Variants in GAS5 observed in about 807,000 individuals in gnomAD.
The protein encoded by GAS5 is growth arrest specific 5 (non-protein coding).
chr1:173,867,189 T>A (rs1654864073), upstream of GAS5: 3 of 562,472 alleles, frequency 5.3e-6, no homozygotes, highest in Non-Finnish European at 6.3e-6. Context: ...AGGATACACT[T>A]AATGTTACAA....
At chr1:173,867,336 A>G (rs937504507), upstream of GAS5, 15 of 406,668 alleles carry the variant, frequency 3.7e-5, no homozygotes, top group Non-Finnish European at 4.9e-5. Context: ...TCTCGCCAAC[A>G]TGGTGAAACC....
At chr1:173,864,371 C>A (rs749455965) in intron 6 of GAS5, 9 of 518,808 alleles carry the variant, frequency 1.7e-5, no homozygotes, top group African/African-American at 9.6e-5. Context: ...AGTAGAGTAA[C>A]CTCAGAATCA....
chr1:173,867,800 G>T (rs1655039291), upstream of GAS5: 12 of 518,496 alleles, frequency 2.3e-5, no homozygotes, highest in Non-Finnish European at 4.2e-5. Flanking sequence ...CGCAGCTTAG[G>T]TCACGCATGC....
intron 6 of GAS5, chr1:173,864,815 G>C: frequency 1.9e-6 from 1 of 518,972 alleles, no homozygotes; most frequent in South Asian, 1.4e-5. Context: ...GCATAAACTA[G>C]AATGTTACCG....
intron 5 of GAS5, chr1:173,865,832 A>G (rs1654510508): frequency 3.9e-6 from 2 of 512,174 alleles, no homozygotes; most frequent in African/African-American, 1.9e-5. Flanking sequence ...CATTAAGTCT[A>G]TCTACTGTTT....
intron 6 of GAS5, chr1:173,864,992 G>T: frequency 2.1e-6 from 1 of 486,180 alleles, no homozygotes; most frequent in Non-Finnish European, 4.1e-6. Flanking sequence ...GTCAGTGCGG[G>T]CAGTATCACT....
chr1:173,866,948 T>A (rs776568017), intron 1 of GAS5: 2 of 765,424 alleles, frequency 2.6e-6, no homozygotes, highest in South Asian at 2.7e-5. Context: ...TGAGACCACC[T>A]CTTAGATTTC....
chr1:173,866,501 G>A, intron 3 of GAS5: 1 of 673,482 alleles, frequency 1.5e-6, no homozygotes, highest in Non-Finnish European at 2.7e-6. Context: ...CCTTAAAAGT[G>A]AGAAGTACAA....
chr1:173,864,267 G>A (rs1557868475), exon 7 of GAS5: 1 of 513,336 alleles, frequency 1.9e-6, no homozygotes, highest in Non-Finnish European at 3.9e-6. Context: ...CTTTCAAGCA[G>A]TAAGCTGCAT....
At chr1:173,868,280 GA>G (rs1312139305), upstream of GAS5, 1 of 153,244 alleles carries the variant, frequency 6.5e-6, no homozygotes, top group African/African-American at 2.4e-5. Context: ...GGGGATGGGG[GA>G]AGGGGGGGCG....
At chr1:173,864,623 G>C (rs1209813524) in intron 6 of GAS5, 2 of 380,242 alleles carry the variant, frequency 5.3e-6, no homozygotes, top group South Asian at 1.9e-5. Context: ...AGGTGTATAT[G>C]CCACCAAAAC....
At chr1:173,864,158 T>C (rs759746524) in intron 7 of GAS5, 3 of 517,826 alleles carry the variant, frequency 5.8e-6, no homozygotes, top group South Asian at 4.2e-5. Flanking sequence ...GAATATCAGA[T>C]ATTTTATTGT....
chr1:173,863,904 A>C (rs1654159628), intron 7 of GAS5: 1 of 261,800 alleles, frequency 3.8e-6, no homozygotes, highest in Non-Finnish European at 7.7e-6. Flanking sequence ...CTCCAGATGG[A>C]TTGCAAAAAT....
exon 6 of GAS5, chr1:173,865,482 A>G (rs1209657493): frequency 9.8e-6 from 5 of 507,704 alleles, no homozygotes; most frequent in East Asian, 5.5e-5. Flanking sequence ...TTTAAAAGGT[A>G]TGACAGGAAC....
chr1:173,865,210 A>G (rs1342682273), intron 6 of GAS5: 1 of 334,098 alleles, frequency 3.0e-6, no homozygotes, highest in Non-Finnish European at 5.8e-6. Context: ...AAAAAAAAAA[A>G]TACTTGGAAC....
At chr1:173,865,714 A>G (rs1287146454) in intron 5 of GAS5, 2 of 519,130 alleles carry the variant, frequency 3.9e-6, no homozygotes, top group Admixed American at 3.9e-5. Context: ...TGCTCAAGGA[A>G]AACACATAAA....
chr1:173,867,138 T>C, upstream of GAS5: 1 of 604,228 alleles, frequency 1.7e-6, no homozygotes, highest in African/African-American at 1.9e-5. Context: ...TTTAAACCAA[T>C]GATGCAGGTA....
intron 6 of GAS5, chr1:173,865,319 A>C (rs772902433): frequency 2.1e-6 from 1 of 479,382 alleles, no homozygotes; most frequent in Non-Finnish European, 4.2e-6. Context: ...ATAGGTAGTA[A>C]TAGGTGGATT....
At chr1:173,867,802 C>G (rs1381626478), upstream of GAS5, 1 of 518,220 alleles carries the variant, frequency 1.9e-6, no homozygotes, top group Non-Finnish European at 3.9e-6. Context: ...CAGCTTAGGT[C>G]ACGCATGCAC....
Sources: gnomAD v4.1 joint callset for allele counts on GRCh38, gnomAD v4.1.1 for gene constraint, MANE v1.5 for transcripts, NCBI Gene and HGNC (gene_info 2026-07-23, HGNC 2026-07-21) for gene names.